The following MAP4 variants were observed in gnomAD, a reference collection of about 807,000 sequenced individuals.
MAP4 encodes the protein microtubule-associated protein 4.
MAP4 carries 76 observed loss-of-function variants against 170.2 expected under a neutral mutation model. The observed-to-expected ratio is 0.45, with a 90% CI of 0.37 to 0.54. MAP4 has a LOEUF of 0.54. Ranked by LOEUF, MAP4 falls within the 20% of genes least tolerant of loss-of-function variation. The pLI is 0.00. For missense variants in MAP4, 2,506 were observed against 2,748.0 expected, an observed-to-expected ratio of 0.91 and a Z score of 1.97; for synonymous variants, 909 against 994.5, an observed-to-expected ratio of 0.91 and a Z score of 1.62.
chr3:48,078,575 T>A (rs1205962200), intron 1 of MAP4, among the ~76,000 whole-genome samples: 1 of 151,850 alleles, frequency 6.6e-6, no homozygotes, highest in Non-Finnish European at 1.5e-5. Context: ...AAGAGTAGGG[T>A]AGAAAGGGGC....
chr3:47,986,588 G>A (rs1165189908), intron 2 of MAP4, among the ~76,000 whole-genome samples: 1 of 152,108 alleles, frequency 6.6e-6, no homozygotes, highest in African/African-American at 2.4e-5. Context: ...TGATCCATCT[G>A]CCTCGGCCTC....
chr3:47,915,899 C>T lies in MAP4; in HGVS notation c.1876+52G>A, dbSNP rs369670661. Reference sequence around the variant, plus strand: ...GCATGATGTTTGTCCTTAGTCTTCTCGAGACTACAACCTGGTAGAGAGAAA... The same window carrying T: ...GCATGATGTTTGTCCTTAGTCTTCTTGAGACTACAACCTGGTAGAGAGAAA... On this transcript the variant is annotated intron_variant, in intron 7 of 20. Transcript: ENST00000683076. 14 of 1,549,300 alleles carry T rather than the reference C, an allele frequency of 9.0e-6. 1 individual carries two copies. In the East Asian group the frequency reaches 1.1e-4, roughly 12 times the overall value.
chr3:48,030,072 A>G (rs2154515072), intron 1 of MAP4, among the ~76,000 whole-genome samples: 1 of 147,504 alleles, frequency 6.8e-6, no homozygotes, highest in East Asian at 2.0e-4. Flanking sequence ...TTCACATGTA[A>G]TATATATTAT....
At chr3:47,920,518 C>T (rs1030934593) in intron 5 of MAP4, among the ~76,000 whole-genome samples, 7 of 148,932 alleles carry the variant, frequency 4.7e-5, no homozygotes, top group South Asian at 2.1e-4. Context: ...GCTGGGATTA[C>T]GGGCGTGTGC....
Position 48,088,197 on chromosome 3 carries a change from T to G in MAP4, c.-20+576A>C, listed in dbSNP as rs573094012. 1.5e-4 allele frequency among the ~76,000 whole-genome samples: 11 copies of G among 75,828 alleles called. 1 individual carries two copies. The South Asian group carries it at 5.2e-3, about 36-fold the overall frequency. 49.7% of individuals were successfully genotyped at this position (75,828 alleles called of 152,430 possible). On this transcript the variant is annotated intron_variant, in intron 1 of 18. Coordinates refer to the MAP4 transcript ENST00000360240. ...CCCCACCCCCACCCTAATGTGACCC[T>G]TTCGCACTCCCACTGCCAGACACAC... is the stretch of plus-strand genomic sequence containing the variant.
At chr3:47,948,673 G>A (rs2100061692) in intron 3 of MAP4, among the ~76,000 whole-genome samples, 1 of 152,096 alleles carries the variant, frequency 6.6e-6, no homozygotes, top group East Asian at 1.9e-4. Flanking sequence ...CCAGGCTGGA[G>A]TGCAGTGGCG....
chr3:47,873,373 C>T (rs188303000), intron 12 of MAP4, among the ~76,000 whole-genome samples: 1 of 152,200 alleles, frequency 6.6e-6, no homozygotes, highest in Admixed American at 6.5e-5. Flanking sequence ...AACAAATTAC[C>T]ACATTACAAA....
intron 1 of MAP4, among the ~76,000 whole-genome samples, chr3:48,075,329 C>T (rs909841978): frequency 4.0e-5 from 6 of 151,400 alleles, no homozygotes; most frequent in Middle Eastern, 3.2e-3. Context: ...GTTCAAGACC[C>T]GTCTGACCAA....
upstream of MAP4, among the ~76,000 whole-genome samples, chr3:48,017,237 C>A (rs1288571991): frequency 6.6e-6 from 1 of 152,270 alleles, no homozygotes; most frequent in South Asian, 2.1e-4. Flanking sequence ...AGAAGCAGAG[C>A]GTGACAAAAT....
At chr3:47,936,338 G>C (rs2100052791) in intron 3 of MAP4, among the ~76,000 whole-genome samples, 1 of 151,426 alleles carries the variant, frequency 6.6e-6, no homozygotes, top group African/African-American at 2.4e-5. Flanking sequence ...GGGAGGCTGA[G>C]GCAGAATTGC....
At chr3:47,906,820 C>T (rs1412527845) in intron 9 of MAP4, among the ~76,000 whole-genome samples, 1 of 150,804 alleles carries the variant, frequency 6.6e-6, no homozygotes, top group Non-Finnish European at 1.5e-5. Flanking sequence ...AAAAAAGAGG[C>T]CTCTTTCTTT....
intron 3 of MAP4, among the ~76,000 whole-genome samples, chr3:47,948,454 G>A (rs988297718): frequency 2.0e-5 from 3 of 151,062 alleles, no homozygotes; most frequent in Admixed American, 2.0e-4. Flanking sequence ...GAACTCCTGG[G>A]CTCAAGCAAT....
intron 1 of MAP4, among the ~76,000 whole-genome samples, chr3:48,067,965 T>A (rs892301218): frequency 6.6e-6 from 1 of 152,052 alleles, no homozygotes; most frequent in Non-Finnish European, 1.5e-5. Flanking sequence ...TTAAAAACTA[T>A]TTTAAATAAT....
At chr3:48,003,361 G>A (rs759347247) in intron 1 of MAP4, among the ~76,000 whole-genome samples, 17 of 151,394 alleles carry the variant, frequency 1.1e-4, no homozygotes, top group Middle Eastern at 6.8e-3. Flanking sequence ...GGCTGAGGCA[G>A]GAGAATCGCT....
At chr3:47,956,336 CAA>C (rs71625844) in intron 3 of MAP4, among the ~76,000 whole-genome samples, 40,297 of 152,018 alleles carry the variant, frequency 0.27, 5,647 homozygotes, top group South Asian at 0.37. Context: ...AGAAAAAACT[CAA>C]GTCTGGTTTA....
At chr3:47,972,548 A>C (rs1209237476) in intron 3 of MAP4, among the ~76,000 whole-genome samples, 1 of 152,224 alleles carries the variant, frequency 6.6e-6, no homozygotes, top group Non-Finnish European at 1.5e-5. Flanking sequence ...TGAACTTCTT[A>C]ACTTTTATAA....
chr3:47,928,015 A>G (rs2100047042), intron 4 of MAP4, among the ~76,000 whole-genome samples: 1 of 152,240 alleles, frequency 6.6e-6, no homozygotes, highest in Admixed American at 6.5e-5. Context: ...CACATAATGT[A>G]TTTAAAATAG....
At position 47,869,315 on chromosome 3, in the gene MAP4, T is replaced by C. The variant is rs1357845271; in HGVS notation, c.6307A>G (p.Lys2103Glu). 6.2e-7 allele frequency: 1 copy of C among 1,613,062 alleles called. No homozygotes were observed. The highest frequency in any genetic ancestry group is 1.1e-5 in the South Asian group (1 of 91,074). ...QPGGGRAKVE[K>E]KTEAAATTRK... ...GTTGTAGCAGCTGCCTCTGTTTTTT[T>C]CTCTACTTTGGCCTGGATGGAGATA... Residue 2103 changes from lysine (K) to glutamate (E), a missense_variant, in exon 16 of 21, where the codon AAA becomes GAA. Transcript: ENST00000683076.
At chr3:47,875,205 G>A (rs901599170) in intron 12 of MAP4, among the ~76,000 whole-genome samples, 16 of 152,326 alleles carry the variant, frequency 1.1e-4, no homozygotes, top group African/African-American at 3.8e-4. Flanking sequence ...TAAAACTTCT[G>A]CAGGATGATA....
Sources: gnomAD v4.1 joint callset for allele counts (sites outside exome capture counted in the v4.1 genomes callset) on GRCh38, gnomAD v4.1.1 for gene constraint, MANE v1.5 for transcripts, NCBI Gene and HGNC (gene_info 2026-07-23, HGNC 2026-07-21) for gene names.